Variants in PRKG1 observed in about 807,000 individuals in gnomAD.
The protein encoded by PRKG1 is cGMP-dependent protein kinase 1.
A neutral mutation model predicts 88.1 loss-of-function variants in PRKG1; 35 were observed. The observed-to-expected ratio is 0.40, with a 90% CI of 0.30 to 0.53. The LOEUF is 0.53. Ranked by LOEUF, PRKG1 falls within the 20% of genes least tolerant of loss-of-function variation. The pLI, the probability that PRKG1 is intolerant of heterozygous loss-of-function variation, is 0.59. For missense variants in PRKG1, 540 were observed against 839.8 expected, an observed-to-expected ratio of 0.64 and a Z score of 4.41; for synonymous variants, 303 against 292.5, an observed-to-expected ratio of 1.04 and a Z score of -0.37.
chr10:51,302,544 A>C (rs1840918495), intron 2 of PRKG1: 1 of 122,510 alleles, frequency 8.2e-6, no homozygotes, highest in Middle Eastern at 4.2e-3. Flanking sequence ...ACTCATTGGT[A>C]GCAAAACATC....
intron 1 of PRKG1, among the ~76,000 whole-genome samples, chr10:50,994,728 A>G (rs1842818413): frequency 6.6e-6 from 1 of 151,898 alleles, no homozygotes; most frequent in Non-Finnish European, 1.5e-5. Flanking sequence ...AAGAACAGAA[A>G]TGTAGCCTGA....
At chr10:51,043,365 C>A (rs1843449919) in intron 1 of PRKG1, among the ~76,000 whole-genome samples, 3 of 152,134 alleles carry the variant, frequency 2.0e-5, no homozygotes, top group African/African-American at 7.2e-5. Flanking sequence ...CCGTGCCCCC[C>A]AAAGCACACA....
At chr10:51,086,131 A>G (rs1361246445) in intron 1 of PRKG1, among the ~76,000 whole-genome samples, 1 of 152,244 alleles carries the variant, frequency 6.6e-6, no homozygotes, top group Non-Finnish European at 1.5e-5. Context: ...ACTGAATGGC[A>G]TACAAATAAG....
chr10:51,722,880 C>T (rs1842046562), intron 3 of PRKG1, among the ~76,000 whole-genome samples: 1 of 152,140 alleles, frequency 6.6e-6, no homozygotes, highest in South Asian at 2.1e-4. Flanking sequence ...CAGAAAAGTT[C>T]ATAATCCATG....
At chr10:51,259,483 G>GT (rs1012408412) in intron 2 of PRKG1, among the ~76,000 whole-genome samples, 1 of 151,818 alleles carries the variant, frequency 6.6e-6, no homozygotes, top group Non-Finnish European at 1.5e-5. Flanking sequence ...TTTTGTTTTT[G>GT]TTTTTTTGAG....
chr10:51,078,574 A>G (rs1035426592), intron 1 of PRKG1, among the ~76,000 whole-genome samples: 1 of 146,210 alleles, frequency 6.8e-6, no homozygotes, highest in Non-Finnish European at 1.5e-5. Context: ...GGAGTTGAGG[A>G]TAAAAATATT....
At chr10:51,541,503 C>G (rs1160006368) in intron 3 of PRKG1, among the ~76,000 whole-genome samples, 2 of 152,064 alleles carry the variant, frequency 1.3e-5, no homozygotes, top group Non-Finnish European at 2.9e-5. Context: ...AGCTTTCTTA[C>G]CAAATAAAGC....
intron 9 of PRKG1, among the ~76,000 whole-genome samples, chr10:52,222,562 G>A (rs947010170): frequency 2.0e-5 from 3 of 152,272 alleles, no homozygotes; most frequent in African/African-American, 7.2e-5. Flanking sequence ...ATGGATAGGT[G>A]AGAATCAGAT....
At chr10:51,868,784 G>A (rs962332264) in intron 4 of PRKG1, among the ~76,000 whole-genome samples, 1 of 152,072 alleles carries the variant, frequency 6.6e-6, no homozygotes, top group Non-Finnish European at 1.5e-5. Context: ...AAGCCCAAAG[G>A]CCTGTATTAA....
At chr10:51,974,934 A>AT (rs1843793221) in intron 5 of PRKG1, among the ~76,000 whole-genome samples, 1 of 152,104 alleles carries the variant, frequency 6.6e-6, no homozygotes, top group Non-Finnish European at 1.5e-5. Flanking sequence ...TTTGGTGCCC[A>AT]ACTACGTAGA....
chr10:51,643,697 A>T (rs1004347985), intron 3 of PRKG1, among the ~76,000 whole-genome samples: 1 of 152,236 alleles, frequency 6.6e-6, no homozygotes, highest in African/African-American at 2.4e-5. Flanking sequence ...GTGTCCTTAA[A>T]TGCAACTGTT....
intron 3 of PRKG1, among the ~76,000 whole-genome samples, chr10:51,745,905 C>T (rs556691447): frequency 1.8e-4 from 27 of 152,198 alleles, no homozygotes; most frequent in African/African-American, 2.6e-4. Flanking sequence ...AGTGCAATGG[C>T]GCAGTCATAG....
chr10:51,503,796 TA>T lies in PRKG1; in HGVS notation c.592+35966del, dbSNP rs1358785335. On this transcript the variant is annotated intron_variant, in intron 3 of 17. Transcript: ENST00000373980. ...ACAGTGTTCATGGTAAAATAGTAGT[TA>T]AAAAATAGGAAATCTTGAAAGAGCT... Among the ~76,000 whole-genome samples, 5 of 152,252 alleles carry T rather than the reference TA, an allele frequency of 3.3e-5. No homozygotes were observed. In the East Asian group the frequency reaches 9.6e-4, roughly 29 times the overall value.
chr10:51,673,779 A>T (rs142619811), intron 3 of PRKG1, among the ~76,000 whole-genome samples: 324 of 152,258 alleles, frequency 2.1e-3, no homozygotes, highest in African/African-American at 7.5e-3. Flanking sequence ...CATGATCGAG[A>T]TTTGAGAATA....
At chr10:51,714,230 G>A (rs1409625494) in intron 3 of PRKG1, among the ~76,000 whole-genome samples, 5 of 152,092 alleles carry the variant, frequency 3.3e-5, no homozygotes, top group Non-Finnish European at 7.4e-5. Flanking sequence ...CGCCCACCTC[G>A]GCCTCCCAAA....
At chr10:51,663,446 T>A (rs1840347254) in intron 3 of PRKG1, among the ~76,000 whole-genome samples, 1 of 152,058 alleles carries the variant, frequency 6.6e-6, no homozygotes, top group African/African-American at 2.4e-5. Context: ...GACTCATGAC[T>A]ATAATCCCAG....
At chr10:52,249,738 G>A (rs1381301469) in intron 9 of PRKG1, among the ~76,000 whole-genome samples, 1 of 152,066 alleles carries the variant, frequency 6.6e-6, no homozygotes, top group African/African-American at 2.4e-5. Flanking sequence ...CACGAGAATA[G>A]CTTGAAACCT....
In PRKG1 at chr10:51,800,528, A is replaced by G. The variant is rs1354653208; in HGVS notation, c.593-4057A>G. Among the ~76,000 whole-genome samples, 5 of 152,126 alleles carry G rather than the reference A, an allele frequency of 3.3e-5. No individual in the cohort carries two copies. The East Asian group carries it at 7.7e-4, about 23-fold the overall frequency. ...TAAAGTGTTGAATATCTCATGTGAT[A>G]TATTGAATACTTTACTGCAGTACAG... On this transcript the variant is annotated intron_variant, in intron 3 of 17. Coordinates refer to ENST00000373980, the MANE Select transcript of PRKG1 (RefSeq NM_006258.4).
At chr10:51,862,463 A>C (rs1188897066) in intron 4 of PRKG1, among the ~76,000 whole-genome samples, 1 of 152,168 alleles carries the variant, frequency 6.6e-6, no homozygotes, top group African/African-American at 2.4e-5. Context: ...GAGCAACAGA[A>C]AACCTCTTTA....
Sources: allele counts gnomAD v4.1 joint callset (sites outside exome capture counted in the v4.1 genomes callset), GRCh38; gene constraint gnomAD v4.1.1; transcripts MANE v1.5; gene names NCBI Gene and HGNC (gene_info 2026-07-23, HGNC 2026-07-21).